Variants in PKD1L1 observed in about 807,000 individuals in gnomAD.
PKD1L1 encodes the protein polycystin-1-like protein 1.
A neutral mutation model predicts 323.4 loss-of-function variants in PKD1L1; 236 were observed. The observed-to-expected ratio is 0.73, with a 90% CI of 0.66 to 0.81. The LOEUF (loss-of-function observed/expected upper bound fraction) is 0.81, where lower values mean the gene tolerates loss of function less well. Ranked by LOEUF, PKD1L1 falls within the 40% of genes least tolerant of loss-of-function variation. PKD1L1 has a pLI of 0.00. For synonymous variants in PKD1L1, 1,344 were observed against 1,335.0 expected (o/e 1.01, Z -0.15); for missense variants, 3,320 against 3,508.0 (o/e 0.95, Z 1.35).
chr7:47,948,505 A>ACGGC, upstream of PKD1L1: 1 of 1,525,118 alleles, frequency 6.6e-7, no homozygotes, highest in Admixed American at 1.7e-5. Context: ...ATCCTCTGGA[A>ACGGC]GACAAAGAAA....
intron 8 of PKD1L1, among the ~76,000 whole-genome samples, chr7:47,909,778 G>A (rs1294332575): frequency 6.6e-6 from 1 of 152,076 alleles, no homozygotes; most frequent in African/African-American, 2.4e-5. Flanking sequence ...CAAATTATAT[G>A]GAATAATATG....
chr7:47,958,979 G>A, the PKD1L1 span, among the ~76,000 whole-genome samples: 19 of 152,212 alleles, frequency 1.2e-4, no homozygotes, highest in African/African-American at 4.6e-4. Context: ...GCGCCACCAT[G>A]CCTGACTGGT....
At chr7:47,834,463 CG>C in intron 39 of PKD1L1, 78 bp from the exon 40 acceptor site, 1 of 1,199,934 alleles carries the variant, frequency 8.3e-7, no homozygotes. Flanking sequence ...TAAGGATTAG[CG>C]GGGACACTAC....
intron 4 of PKD1L1, among the ~76,000 whole-genome samples, chr7:47,932,393 G>A (rs1787789107): frequency 6.6e-6 from 1 of 152,214 alleles, no homozygotes; most frequent in Non-Finnish European, 1.5e-5. Context: ...TTCCCTGTGG[G>A]GCCTGGACTT....
At chr7:47,790,548 G>A (rs191187385) in intron 56 of PKD1L1, among the ~76,000 whole-genome samples, 1 of 151,844 alleles carries the variant, frequency 6.6e-6, no homozygotes, top group East Asian at 2.0e-4. Context: ...AGCCAGGATG[G>A]TCTTGATCTC....
At chr7:47,933,985 T>C (rs1787820443) in intron 4 of PKD1L1, among the ~76,000 whole-genome samples, 1 of 152,342 alleles carries the variant, frequency 6.6e-6, no homozygotes, top group Admixed American at 6.5e-5. Context: ...TGGGACTCCT[T>C]TTGTCTTCTT....
At position 47,795,947 on chromosome 7, in the gene PKD1L1, T is replaced by A. The variant is rs1784516013; in HGVS notation, c.8355+42A>T. 3.2e-6 allele frequency: 5 copies of A among 1,576,056 alleles called. No individual in the cohort carries two copies. The South Asian group carries it at 4.7e-5, about 15-fold the overall frequency. Reference sequence around the variant, plus strand: ...TCTGCAATGAAACCATCATCTTGAGTGTGTGCTATCATGCTCAGTAATCCA... The same window carrying A: ...TCTGCAATGAAACCATCATCTTGAGAGTGTGCTATCATGCTCAGTAATCCA... On this transcript the variant is annotated intron_variant, in intron 55 of 56. Transcript: ENST00000289672.
intron 21 of PKD1L1, among the ~76,000 whole-genome samples, chr7:47,880,284 A>ATATATATATTTTTTTTTTT (rs1225214936): frequency 1.8e-5 from 1 of 56,818 alleles, no homozygotes; most frequent in Non-Finnish European, 2.8e-5. Context: ...ATATATATAT[A>ATATATATATTTTTTTTTTT]TTTTTTTTTT....
At chr7:47,888,229 G>A (rs2128748223) in intron 16 of PKD1L1, 79 bp from the exon 17 acceptor site, 1 of 1,413,976 alleles carries the variant, frequency 7.1e-7, no homozygotes, top group Non-Finnish European at 9.8e-7. Flanking sequence ...TGTTAGGCAT[G>A]TTTAAATCAC....
rs754742069 is a variant in PKD1L1 at position 47,842,952 on chromosome 7, C to T, written c.5445+10G>A. ...CACCATCAAAGAGTACCCCCAGATG[C>T]TCGAGCTACCTTTGAGGTCAACCTG... is the stretch of plus-strand genomic sequence containing the variant. On this transcript the variant is annotated intron_variant, in intron 34 of 56. Coordinates refer to ENST00000289672, the MANE Select transcript of PKD1L1 (RefSeq NM_138295.5). 2 of 1,609,058 alleles carry T rather than the reference C, an allele frequency of 1.2e-6. No homozygotes were observed. Among genetic ancestry groups the T allele is most frequent in the Admixed American group, 1.7e-5 (1 of 59,174 alleles).
At chr7:47,795,369 C>G (rs1038547828) in intron 55 of PKD1L1, 1 of 455,316 alleles carries the variant, frequency 2.2e-6, no homozygotes, top group Non-Finnish European at 4.4e-6. Context: ...GATCATTTTT[C>G]TCTTGCCACC....
Position 47,943,443 on chromosome 7 carries a change from C to A in PKD1L1, c.113G>T (p.Gly38Val). 2 of 1,613,550 alleles carry A rather than the reference C, an allele frequency of 1.2e-6. No homozygotes were observed. The highest frequency in any genetic ancestry group is 3.3e-5 in the Admixed American group (2 of 59,992). ...AGGGCTACAGCTGCACAGATGAAGA[C>A]CCCAGCTCTTGTCAGTGCTCACAGA... ...ELSVSTDKSW[G>V]LHLCSCSPPG... The change falls in exon 2 of 57, where the codon GGT (glycine) becomes GTT (valine). Residue 38 changes from glycine to valine, a missense_variant. Gly to Val is a moderately radical substitution (Grantham distance 109, BLOSUM62 -3). Coordinates refer to ENST00000289672, the MANE Select transcript of PKD1L1 (RefSeq NM_138295.5).
At chr7:47,803,904 A>G (rs1784719674) in intron 52 of PKD1L1, among the ~76,000 whole-genome samples, 1 of 152,188 alleles carries the variant, frequency 6.6e-6, no homozygotes, top group Admixed American at 6.5e-5. Context: ...ACTGGGGGGC[A>G]TGGCAGACCC....
Position 47,933,732 on chromosome 7 carries a change from G to GAATA in PKD1L1, c.399-1680_399-1677dup, listed in dbSNP as rs377029485. ...GCCAACAAGGAGAAGATATTTTGTT[G>GAATA]AATAAATAAATAAATAAATAAAGGC... is the stretch of plus-strand genomic sequence containing the variant. On this transcript the variant is annotated intron_variant, in intron 4 of 56. Coordinates refer to ENST00000289672, the MANE Select transcript of PKD1L1 (RefSeq NM_138295.5). Among the ~76,000 whole-genome samples, 80 of 151,960 alleles carry GAATA rather than the reference G, an allele frequency of 5.3e-4. 1 individual carries two copies. The highest frequency in any genetic ancestry group is 8.4e-4 in the Non-Finnish European group (57 of 67,980).
At chr7:47,939,840 C>T (rs1333069161) in intron 3 of PKD1L1, among the ~76,000 whole-genome samples, 2 of 151,840 alleles carry the variant, frequency 1.3e-5, no homozygotes, top group East Asian at 1.9e-4. Flanking sequence ...GGGCAGCCCC[C>T]ACTCCCCACC....
the PKD1L1 span, among the ~76,000 whole-genome samples, chr7:47,955,768 T>A: frequency 2.0e-5 from 3 of 152,232 alleles, no homozygotes; most frequent in South Asian, 6.2e-4. Context: ...GCATTACATA[T>A]AAAATAAATA....
upstream of PKD1L1, among the ~76,000 whole-genome samples, chr7:47,951,782 A>G (rs911103973): frequency 2.6e-5 from 4 of 152,250 alleles, no homozygotes; most frequent in African/African-American, 4.8e-5. Context: ...TAAAATATAC[A>G]AGGAAAAATA....
chr7:47,813,863 C>T lies in PKD1L1; in HGVS notation c.7173+68G>A, dbSNP rs1288127412. The T allele has an allele frequency of 5.2e-6, 7 of 1,333,852 alleles. No homozygotes were observed. In the African/African-American group the frequency reaches 5.8e-5, roughly 11 times the overall value. The allele number at this position is 1,333,852 out of a possible 1,614,324, so 82.6% of individuals were successfully genotyped here. On this transcript the variant is annotated intron_variant, in intron 48 of 56. Transcript: ENST00000289672. ...GTTCAAATGATCTGCCAGGGTCCTG[C>T]CCCAATGTTGCCTAGACTTCTCTAA...
At chr7:47,813,359 T>G in intron 48 of PKD1L1, 66 bp from the exon 49 acceptor site, 1 of 1,558,478 alleles carries the variant, frequency 6.4e-7, no homozygotes. Flanking sequence ...CAATCCGGGG[T>G]CTCCAGGCCT....
Sources: gnomAD v4.1 joint callset for allele counts (sites outside exome capture counted in the v4.1 genomes callset) on GRCh38, gnomAD v4.1.1 for gene constraint, MANE v1.5 for transcripts, NCBI Gene and HGNC (gene_info 2026-07-23, HGNC 2026-07-21) for gene names.